Variants in ZMAT4 observed in about 807,000 individuals in gnomAD.
The protein encoded by ZMAT4 is zinc finger matrin-type protein 4.
ZMAT4 carries 17 observed loss-of-function variants against 28.7 expected under a neutral mutation model. The observed-to-expected ratio is 0.59, with a 90% CI of 0.41 to 0.89. ZMAT4 has a LOEUF of 0.89. Ranked by LOEUF, ZMAT4 falls within the 40% of genes least tolerant of loss-of-function variation. ZMAT4 has a pLI of 0.00. For synonymous variants in ZMAT4, 117 were observed against 109.2 expected, an observed-to-expected ratio of 1.07 and a Z score of -0.44; for missense variants, 240 against 283.8, an observed-to-expected ratio of 0.85 and a Z score of 1.11.
At chr8:40,786,800 A>G (rs751806789) in intron 2 of ZMAT4, 66 of 1,210,192 alleles carry the variant, frequency 5.5e-5, no homozygotes, top group Non-Finnish European at 6.8e-5. Flanking sequence ...AGATGGGAAC[A>G]AACAGACTGT....
At chr8:40,714,560 G>C (rs999853955) in intron 3 of ZMAT4, among the ~76,000 whole-genome samples, 1 of 152,102 alleles carries the variant, frequency 6.6e-6, no homozygotes, top group African/African-American at 2.4e-5. Context: ...AGCTTTTTAT[G>C]GGGTGTCAAC....
intron 1 of ZMAT4, among the ~76,000 whole-genome samples, chr8:40,893,483 T>C (rs755948406): frequency 3.3e-5 from 5 of 152,160 alleles, no homozygotes; most frequent in Non-Finnish European, 7.3e-5. Flanking sequence ...GCCCAGATAG[T>C]AAGATCACAA....
chr8:40,785,868 C>CT (rs36009340), intron 2 of ZMAT4, among the ~76,000 whole-genome samples: 44 of 151,518 alleles, frequency 2.9e-4, no homozygotes, highest in African/African-American at 4.1e-4. Context: ...GCCTGGCCCA[C>CT]TTTTTTTTTA....
chr8:40,762,336 A>G (rs928426856), intron 3 of ZMAT4, among the ~76,000 whole-genome samples: 2 of 152,198 alleles, frequency 1.3e-5, no homozygotes, highest in Non-Finnish European at 1.5e-5. Context: ...CCTTATAAGA[A>G]GGAGAGAGAA....
At chr8:40,645,234 A>G (rs1334928804) in intron 5 of ZMAT4, among the ~76,000 whole-genome samples, 1 of 152,174 alleles carries the variant, frequency 6.6e-6, no homozygotes, top group Admixed American at 6.5e-5. Flanking sequence ...ATGTTTCAGT[A>G]AATCTAAAAC....
chr8:40,690,858 A>C, intron 4 of ZMAT4: 3 of 969,114 alleles, frequency 3.1e-6, no homozygotes, highest in Non-Finnish European at 3.7e-6. Flanking sequence ...AGATTTTAGA[A>C]GAGGAATATA....
At chr8:40,722,540 C>A (rs994221262) in intron 3 of ZMAT4, among the ~76,000 whole-genome samples, 1 of 152,014 alleles carries the variant, frequency 6.6e-6, no homozygotes, top group Non-Finnish European at 1.5e-5. Flanking sequence ...TACAAAGAGC[C>A]CTAAGTGTGT....
At chr8:40,846,972 C>T (rs1010439608) in intron 1 of ZMAT4, among the ~76,000 whole-genome samples, 3 of 152,042 alleles carry the variant, frequency 2.0e-5, no homozygotes, top group Non-Finnish European at 4.4e-5. Flanking sequence ...TTTGGGAGGC[C>T]AAGGCGGGCA....
chr8:40,824,266 C>G (rs1191947106), intron 2 of ZMAT4, among the ~76,000 whole-genome samples: 1 of 152,112 alleles, frequency 6.6e-6, no homozygotes, highest in Non-Finnish European at 1.5e-5. Context: ...TTAGCAAGAC[C>G]CAGTCTCTAC....
intron 5 of ZMAT4, among the ~76,000 whole-genome samples, chr8:40,616,963 G>T (rs1046630841): frequency 4.6e-5 from 7 of 151,322 alleles, no homozygotes; most frequent in Non-Finnish European, 8.8e-5. Context: ...AATAGCCAGA[G>T]TGAAGAAGGA....
At chr8:40,869,722 T>G (rs1026591357) in intron 1 of ZMAT4, among the ~76,000 whole-genome samples, 1 of 152,150 alleles carries the variant, frequency 6.6e-6, no homozygotes, top group Non-Finnish European at 1.5e-5. Context: ...CAATACCCAG[T>G]GTTATATCCT....
intron 2 of ZMAT4, among the ~76,000 whole-genome samples, chr8:40,781,850 C>A (rs1813850073): frequency 6.7e-6 from 1 of 150,028 alleles, no homozygotes; most frequent in Admixed American, 6.7e-5. Flanking sequence ...GACAACCATG[C>A]CAGCACAATT....
chr8:40,735,427 TCA>T (rs1438651406), intron 3 of ZMAT4, among the ~76,000 whole-genome samples: 2 of 152,202 alleles, frequency 1.3e-5, no homozygotes, highest in African/African-American at 4.8e-5. Flanking sequence ...AGAGCACTAT[TCA>T]GTTTTTGTGC....
intron 5 of ZMAT4, among the ~76,000 whole-genome samples, chr8:40,648,091 T>TGA (rs1807432260): frequency 1.3e-5 from 2 of 152,192 alleles, no homozygotes; most frequent in African/African-American, 2.4e-5. Flanking sequence ...TTTGACGAGC[T>TGA]GAGAGAAGGC....
At chr8:40,847,155 G>T (rs1267884437) in intron 1 of ZMAT4, among the ~76,000 whole-genome samples, 4 of 149,592 alleles carry the variant, frequency 2.7e-5, no homozygotes, top group African/African-American at 9.8e-5. Context: ...AGTGAGTCAA[G>T]ATTGTGCCAC....
chr8:40,690,613 G>A (rs1315323428), intron 4 of ZMAT4, among the ~76,000 whole-genome samples: 1 of 152,134 alleles, frequency 6.6e-6, no homozygotes, highest in Non-Finnish European at 1.5e-5. Flanking sequence ...CTGCTATGGT[G>A]TATGAAATCT....
chr8:40,783,755 A>G (rs181437677), intron 2 of ZMAT4, among the ~76,000 whole-genome samples: 9 of 152,280 alleles, frequency 5.9e-5, no homozygotes, highest in Admixed American at 1.3e-4. Context: ...TCACGCTTGT[A>G]ATCCCAGCAC....
chr8:40,549,483 G>A (rs1194683041), intron 6 of ZMAT4, among the ~76,000 whole-genome samples: 1 of 152,054 alleles, frequency 6.6e-6, no homozygotes, highest in Non-Finnish European at 1.5e-5. Flanking sequence ...ATCTTAACTA[G>A]TTTTCCCCCA....
chr8:40,822,323 G>A (rs541468917), intron 2 of ZMAT4, among the ~76,000 whole-genome samples: 19 of 152,280 alleles, frequency 1.2e-4, no homozygotes, highest in Admixed American at 3.3e-4. Context: ...CAGAAAATAC[G>A]CAGTGGATTC....
Sources: gnomAD v4.1 joint callset for allele counts (sites outside exome capture counted in the v4.1 genomes callset) on GRCh38, gnomAD v4.1.1 for gene constraint, MANE v1.5 for transcripts, NCBI Gene and HGNC (gene_info 2026-07-23, HGNC 2026-07-21) for gene names.